Variants in HOMER2 observed in about 807,000 individuals in gnomAD.
The protein encoded by HOMER2 is homer protein homolog 2.
Under a neutral mutation model 47.0 loss-of-function variants are expected in HOMER2, and 27 were observed. The ratio of observed to expected loss-of-function variants is 0.57; its 90% CI spans 0.42 to 0.79. The LOEUF (loss-of-function observed/expected upper bound fraction) is 0.79, where lower values mean the gene tolerates loss of function less well. Ranked by LOEUF, HOMER2 falls within the 30% of genes least tolerant of loss-of-function variation. The pLI, the probability that HOMER2 is intolerant of heterozygous loss-of-function variation, is 0.00. For synonymous variants in HOMER2, 161 were observed against 163.8 expected (o/e 0.98, Z 0.13); for missense variants, 443 against 435.0 (o/e 1.02, Z -0.16).
At chr15:82,896,980 A>G (rs1231398346) in intron 1 of HOMER2, among the ~76,000 whole-genome samples, 1 of 151,174 alleles carries the variant, frequency 6.6e-6, no homozygotes, top group Non-Finnish European at 1.5e-5. Flanking sequence ...GGGGCTGAAC[A>G]GGTGGGGAAA....
At chr15:82,946,373 T>G (rs911398720) in intron 1 of HOMER2, among the ~76,000 whole-genome samples, 1 of 152,178 alleles carries the variant, frequency 6.6e-6, no homozygotes, top group Non-Finnish European at 1.5e-5. Flanking sequence ...GGTCTGGCCA[T>G]TGCTACCTCC....
At chr15:82,866,364 T>C (rs72753996) in intron 3 of HOMER2, among the ~76,000 whole-genome samples, 1,712 of 152,350 alleles carry the variant, frequency 0.011, 14 homozygotes, top group Non-Finnish European at 0.019. Context: ...TCTACCCCCA[T>C]TGTACCTAGG....
intron 1 of HOMER2, among the ~76,000 whole-genome samples, chr15:82,902,271 C>T (rs565355013): frequency 7.6e-4 from 114 of 149,494 alleles, no homozygotes; most frequent in Non-Finnish European, 1.4e-3. Context: ...AATCTCGGCT[C>T]ACTGCAACCT....
At chr15:82,950,286 G>A (rs756607735) in intron 1 of HOMER2, among the ~76,000 whole-genome samples, 4 of 152,174 alleles carry the variant, frequency 2.6e-5, no homozygotes, top group Non-Finnish European at 5.9e-5. Context: ...AGAACACTTC[G>A]CAGAAGAGAA....
intron 1 of HOMER2, among the ~76,000 whole-genome samples, chr15:82,937,533 CATT>C (rs2054168917): frequency 6.6e-6 from 1 of 152,114 alleles, no homozygotes; most frequent in Non-Finnish European, 1.5e-5. Flanking sequence ...CCCTCCAAGA[CATT>C]ATCCGCTCCC....
intron 2 of HOMER2, among the ~76,000 whole-genome samples, chr15:82,888,765 C>T (rs1334784005): frequency 1.2e-5 from 1 of 83,442 alleles, no homozygotes; most frequent in African/African-American, 5.8e-5. Context: ...GCGCACGGTG[C>T]GCACACACAC....
At chr15:82,936,420 G>A (rs556253636) in intron 1 of HOMER2, among the ~76,000 whole-genome samples, 2 of 152,344 alleles carry the variant, frequency 1.3e-5, no homozygotes, top group Non-Finnish European at 2.9e-5. Flanking sequence ...CACACAGAGA[G>A]GGATGGTGTC....
intron 1 of HOMER2, among the ~76,000 whole-genome samples, chr15:82,911,615 C>A (rs1251774887): frequency 6.6e-6 from 1 of 152,202 alleles, no homozygotes; most frequent in Non-Finnish European, 1.5e-5. Context: ...TTTACACTAT[C>A]AGTTGGTCTC....
downstream of HOMER2, among the ~76,000 whole-genome samples, chr15:82,836,541 A>G (rs907988487): frequency 6.6e-6 from 1 of 152,176 alleles, no homozygotes; most frequent in African/African-American, 2.4e-5. Flanking sequence ...GCCCATCCTT[A>G]GGTCTCAACC....
At chr15:82,861,720 A>C (rs1440376851) in intron 4 of HOMER2, among the ~76,000 whole-genome samples, 1 of 152,178 alleles carries the variant, frequency 6.6e-6, no homozygotes. Flanking sequence ...TAAAAAGCAT[A>C]CAAGGGCCGG....
intron 1 of HOMER2, among the ~76,000 whole-genome samples, chr15:82,904,051 C>T (rs1321330384): frequency 6.6e-6 from 1 of 152,082 alleles, no homozygotes; most frequent in Non-Finnish European, 1.5e-5. Context: ...GTGGGAGGAT[C>T]GCTTGGGCCC....
chr15:82,840,660 T>C (rs1000120758), exon 2 of HOMER2: 1 of 152,030 alleles, frequency 6.6e-6, no homozygotes, highest in African/African-American at 2.4e-5. Context: ...GATTGTGAAC[T>C]CCTGGGCTCA....
chr15:82,951,792 C>G (rs1276137805), intron 1 of HOMER2, among the ~76,000 whole-genome samples: 2 of 152,236 alleles, frequency 1.3e-5, no homozygotes, highest in Non-Finnish European at 1.5e-5. Context: ...ATACGTATGG[C>G]AAACCGTCAA....
intron 1 of HOMER2, among the ~76,000 whole-genome samples, chr15:82,896,470 G>A (rs1007858179): frequency 6.6e-6 from 1 of 152,148 alleles, no homozygotes; most frequent in Admixed American, 6.5e-5. Flanking sequence ...AGCTGCCCTC[G>A]GGACCCCCAA....
chr15:82,852,216 T>C lies in HOMER2; in HGVS notation c.688A>G (p.Arg230Gly). ...AGCTGCGTGTTCTTCTCCTTCTCTC[T>C]GTTGATCTCACTGCATTGTTCTTCC... ...ELEEQCSEIN[R>G]EKEKNTQLKR... Residue 230 changes from arginine to glycine, a missense_variant, in exon 7 of 9, where the codon AGA becomes GGA. Transcript: ENST00000450735. 1 of 1,613,976 alleles carries C rather than the reference T, an allele frequency of 6.2e-7. No homozygotes were observed. Among genetic ancestry groups the C allele is most frequent in the Non-Finnish European group, 8.5e-7 (1 of 1,179,868 alleles).
At chr15:82,926,781 A>T (rs2053862721) in intron 1 of HOMER2, among the ~76,000 whole-genome samples, 1 of 152,246 alleles carries the variant, frequency 6.6e-6, no homozygotes, top group Non-Finnish European at 1.5e-5. Context: ...CTTCACCCTC[A>T]TGGGGAGGAT....
At chr15:82,949,958 A>C (rs892838416) in intron 1 of HOMER2, among the ~76,000 whole-genome samples, 1 of 152,114 alleles carries the variant, frequency 6.6e-6, no homozygotes, top group African/African-American at 2.4e-5. Context: ...TAGGAAGGAG[A>C]GACAATCTCT....
chr15:82,924,868 G>C (rs72755928), intron 1 of HOMER2, among the ~76,000 whole-genome samples: 7,080 of 152,264 alleles, frequency 0.046, 232 homozygotes, highest in Non-Finnish European at 0.072. Flanking sequence ...TAGCTACTCA[G>C]TGACAGTCAC....
chr15:82,967,726 A>C (rs957061044), intron 1 of HOMER2, among the ~76,000 whole-genome samples: 3 of 152,106 alleles, frequency 2.0e-5, no homozygotes, highest in African/African-American at 7.2e-5. Flanking sequence ...AAAATACAAA[A>C]ATTAGCTGGG....
Sources: gnomAD v4.1 joint callset for allele counts (sites outside exome capture counted in the v4.1 genomes callset) on GRCh38, gnomAD v4.1.1 for gene constraint, MANE v1.5 for transcripts, NCBI Gene and HGNC (gene_info 2026-07-23, HGNC 2026-07-21) for gene names.